TUFT1: variants seen among roughly 807,000 people sequenced by gnomAD.
The protein encoded by TUFT1 is tuftelin.
A neutral mutation model predicts 57.8 loss-of-function variants in TUFT1; 43 were observed. The observed-to-expected ratio is 0.74, with a 90% CI of 0.58 to 0.96. The LOEUF (loss-of-function observed/expected upper bound fraction) is 0.96. TUFT1 is among the 40% of genes least tolerant of loss of function. The probability of loss-of-function intolerance (pLI) is 0.00; values close to 1 mark genes in which losing one functional copy is unlikely to be tolerated. For missense variants in TUFT1, 459 were observed against 489.0 expected, an observed-to-expected ratio of 0.94 and a Z score of 0.58; for synonymous variants, 166 against 176.7, an observed-to-expected ratio of 0.94 and a Z score of 0.48.
At chr1:151,558,019 A>G (rs972867211) in intron 1 of TUFT1, 21 of 429,360 alleles carry the variant, frequency 4.9e-5, no homozygotes, top group Middle Eastern at 7.6e-4. Flanking sequence ...CTAAGAGGGG[A>G]AGGAAATCTT....
intron 7 of TUFT1, among the ~76,000 whole-genome samples, chr1:151,570,264 T>C (rs1050270849): frequency 6.6e-6 from 1 of 152,182 alleles, no homozygotes; most frequent in African/African-American, 2.4e-5. Context: ...GGCTCTAAAC[T>C]CAGCTTTGCT....
intron 1 of TUFT1, among the ~76,000 whole-genome samples, chr1:151,553,372 C>T (rs1344126178): frequency 6.6e-6 from 1 of 152,192 alleles, no homozygotes; most frequent in Non-Finnish European, 1.5e-5. Context: ...AGGCATGAGC[C>T]ACTGCACCCG....
At position 151,564,568 on chromosome 1, in the gene TUFT1, A is replaced by C; in HGVS notation, c.368A>C (p.Lys123Thr). Reference protein sequence around the residue: ...LQKLREDISSKLDRNLGDSLH... With the variant: ...LQKLREDISSTLDRNLGDSLH... ...AAGCTCCGGGAGGATATAAGTAGCA[A>C]GCTTGACAGGAACCTAGGAGATTCT... Residue 123 changes from lysine (K) to threonine (T), a missense_variant, in exon 5 of 13, where the codon AAG becomes ACG. Coordinates refer to ENST00000368849, the MANE Select transcript of TUFT1 (RefSeq NM_020127.3). The C allele has an allele frequency of 6.2e-7, 1 of 1,614,186 alleles. No homozygotes were observed. Among genetic ancestry groups the C allele is most frequent in the Non-Finnish European group, 8.5e-7 (1 of 1,180,016 alleles).
intron 6 of TUFT1, among the ~76,000 whole-genome samples, chr1:151,569,105 G>A (rs998987963): frequency 6.6e-6 from 1 of 152,178 alleles, no homozygotes; most frequent in Admixed American, 6.5e-5. Context: ...TTTCCACATC[G>A]AATCAGATTC....
chr1:151,550,847 A>G (rs1665486493), intron 1 of TUFT1, among the ~76,000 whole-genome samples: 1 of 152,148 alleles, frequency 6.6e-6, no homozygotes, highest in Non-Finnish European at 1.5e-5. Flanking sequence ...GGATCAATTG[A>G]GCCTGGGAGG....
At chr1:151,558,473 G>T (rs1665784638) in intron 1 of TUFT1, among the ~76,000 whole-genome samples, 1 of 151,932 alleles carries the variant, frequency 6.6e-6, no homozygotes, top group Non-Finnish European at 1.5e-5. Flanking sequence ...TTTGAAGTTT[G>T]CTTGGCTTCT....
At chr1:151,569,847 G>T (rs1666201576) in intron 7 of TUFT1, 77 bp downstream of exon 7, 1 of 1,187,596 alleles carries the variant, frequency 8.4e-7, no homozygotes, top group African/African-American at 1.5e-5. Context: ...GTCTCAGCTT[G>T]GACTTCCTGT....
At position 151,564,596 on chromosome 1, in the gene TUFT1, C is replaced by T; in HGVS notation, c.396C>T (p.Leu132=). ...TTGACAGGAACCTAGGAGATTCTCT[C>T]CATCGACAGGAGATACAGGTAATAG... ...SKLDRNLGDS[L]HRQEIQVVLE... The change falls in exon 5 of 13, where the codon CTC becomes CTT. Residue 132 remains leucine (L), a synonymous_variant. Transcript: ENST00000368849. The T allele has an allele frequency of 6.2e-7, 1 of 1,614,066 alleles. No individual in the cohort carries two copies. Among genetic ancestry groups the T allele is most frequent in the Non-Finnish European group, 8.5e-7 (1 of 1,179,946 alleles).
At chr1:151,570,315 C>G (rs1390644863) in intron 7 of TUFT1, among the ~76,000 whole-genome samples, 1 of 152,158 alleles carries the variant, frequency 6.6e-6, no homozygotes, top group Non-Finnish European at 1.5e-5. Context: ...CTTTTTTTCA[C>G]TCTGCTGCCA....
chr1:151,564,576 A>T lies in TUFT1; in HGVS notation c.376A>T (p.Arg126Trp). 6.2e-7 allele frequency: 1 copy of T among 1,614,212 alleles called. No individual in the cohort carries two copies. The highest frequency in any genetic ancestry group is 1.3e-5 in the African/African-American group (1 of 75,072). Reference sequence around the variant, plus strand: ...GGAGGATATAAGTAGCAAGCTTGACAGGAACCTAGGAGATTCTCTCCATCG... The same window carrying T: ...GGAGGATATAAGTAGCAAGCTTGACTGGAACCTAGGAGATTCTCTCCATCG... ...LREDISSKLD[R>W]NLGDSLHRQE... The change falls in exon 5 of 13, where the codon AGG (arginine) becomes TGG (tryptophan). Residue 126 changes from arginine to tryptophan, a missense_variant. By Grantham distance (101) the Arg-to-Trp change is moderately radical. Coordinates refer to ENST00000368849, the MANE Select transcript of TUFT1 (RefSeq NM_020127.3).
chr1:151,575,090 C>T (rs138974298), intron 9 of TUFT1, 85 bp downstream of exon 9: 5 of 1,250,192 alleles, frequency 4.0e-6, no homozygotes, highest in African/African-American at 1.5e-5. Context: ...CTGTGGTGGC[C>T]TGGTCTGGGG....
chr1:151,562,092 G>T lies in TUFT1; in HGVS notation c.62G>T (p.Gly21Val), dbSNP rs372345971. Residue 21 changes from glycine to valine, a missense_variant and splice_region_variant, in exon 2 of 13, where the codon GGC (glycine) becomes GTC (valine). Physicochemically the swap from Gly to Val is moderately radical, Grantham distance 109. Coordinates refer to ENST00000368849, the MANE Select transcript of TUFT1 (RefSeq NM_020127.3). Reference protein sequence around the residue: ...VDVHPEDQAAGSVDILRLTLQ... With the variant: ...VDVHPEDQAAVSVDILRLTLQ... Reference sequence around the variant, plus strand: ...TGTTGCTGTCATTGTCATTATTAGGGCAGCGTGGACATTCTCAGGCTGACT... The same window carrying T: ...TGTTGCTGTCATTGTCATTATTAGGTCAGCGTGGACATTCTCAGGCTGACT... 2 of 1,613,960 alleles carry T rather than the reference G, an allele frequency of 1.2e-6. No homozygotes were observed. Among genetic ancestry groups the T allele is most frequent in the Non-Finnish European group, 1.7e-6 (2 of 1,179,822 alleles).
intron 7 of TUFT1, among the ~76,000 whole-genome samples, chr1:151,572,643 T>C (rs911402813): frequency 1.3e-5 from 2 of 152,240 alleles, no homozygotes; most frequent in African/African-American, 4.8e-5. Context: ...TCTACTTTTC[T>C]GAACCTATGG....
intron 11 of TUFT1, 37 bp from the exon 12 acceptor site, chr1:151,580,905 A>T: frequency 6.2e-7 from 1 of 1,602,474 alleles, no homozygotes; most frequent in Non-Finnish European, 8.5e-7. Flanking sequence ...GGGAAGCCAG[A>T]AAAAGGCCAA....
chr1:151,558,484 T>G (rs1218448556), intron 1 of TUFT1, among the ~76,000 whole-genome samples: 2 of 152,148 alleles, frequency 1.3e-5, no homozygotes, highest in African/African-American at 4.8e-5. Flanking sequence ...CTTGGCTTCT[T>G]GAATCTATAG....
Position 151,581,752 on chromosome 1 carries a change from G to C in TUFT1, c.*45G>C. 1.2e-6 allele frequency: 2 copies of C among 1,605,806 alleles called. No individual in the cohort carries two copies. The highest frequency in any genetic ancestry group is 1.1e-5 in the South Asian group (1 of 90,844). Reference sequence around the variant, plus strand: ...TGCCATTGCTGCTGCCTCTGCCTCGGAGAAGCCCACTGCCCCTGTTGGCTG... The same window carrying C: ...TGCCATTGCTGCTGCCTCTGCCTCGCAGAAGCCCACTGCCCCTGTTGGCTG... On this transcript the variant is annotated 3_prime_UTR_variant, in exon 13 of 13. Coordinates refer to ENST00000368849, the MANE Select transcript of TUFT1 (RefSeq NM_020127.3).
At chr1:151,581,078 A>G (rs773714528) in intron 12 of TUFT1, 36 bp downstream of exon 12, 3 of 1,578,818 alleles carry the variant, frequency 1.9e-6, no homozygotes, top group Non-Finnish European at 2.6e-6. Flanking sequence ...GGGGCCAGGG[A>G]GGAGGGGAGA....
chr1:151,570,067 G>T (rs889980723), intron 7 of TUFT1, among the ~76,000 whole-genome samples: 1 of 152,166 alleles, frequency 6.6e-6, no homozygotes, highest in African/African-American at 2.4e-5. Flanking sequence ...TGTCTGTGTC[G>T]TGGTAAGAAT....
Position 151,566,191 on chromosome 1 carries a change from G to T in TUFT1, c.443G>T (p.Ser148Ile). The T allele has an allele frequency of 1.2e-6, 2 of 1,611,786 alleles. No homozygotes were observed. The highest frequency in any genetic ancestry group is 2.7e-5 in the African/African-American group (2 of 74,982). Reference protein sequence around the residue: ...QVVLEKPNGFSQSPTALYSSP... With the variant: ...QVVLEKPNGFIQSPTALYSSP... ...GTGCTAGAAAAGCCAAATGGCTTTA[G>T]TCAGAGTCCCACAGCCCTGTACAGC... The change falls in exon 6 of 13, where the codon AGT becomes ATT. Residue 148 changes from serine to isoleucine, a missense_variant. By Grantham distance (142) the Ser-to-Ile change is moderately radical. Transcript: ENST00000368849.
Sources: gnomAD v4.1 joint callset for allele counts (sites outside exome capture counted in the v4.1 genomes callset) on GRCh38, gnomAD v4.1.1 for gene constraint, MANE v1.5 for transcripts, NCBI Gene and HGNC (gene_info 2026-07-23, HGNC 2026-07-21) for gene names.